The following PKNOX2 variants were observed in gnomAD, a reference collection of about 807,000 sequenced individuals.
PKNOX2 encodes the protein PBX/knotted 1 homeobox 2.
PKNOX2 carries 14 observed loss-of-function variants against 53.1 expected under a neutral mutation model. That is an observed-to-expected ratio of 0.26 (90% CI 0.17 to 0.41). The LOEUF is 0.41. PKNOX2 is among the 10% of genes least tolerant of loss of function. The pLI, the probability that PKNOX2 is intolerant of heterozygous loss-of-function variation, is 1.00. For synonymous variants in PKNOX2, 257 were observed against 242.8 expected (o/e 1.06, Z -0.54); for missense variants, 496 against 602.8 (o/e 0.82, Z 1.85).
At chr11:125,283,363 G>GCCCCTTCAGTGTGTT (rs1591511817) in intron 2 of PKNOX2, among the ~76,000 whole-genome samples, 1 of 152,170 alleles carries the variant, frequency 6.6e-6, no homozygotes, top group East Asian at 1.9e-4. Flanking sequence ...GCAGCCACCT[G>GCCCCTTCAGTGTGTT]CCCCTTCAGT....
At chr11:125,219,333 T>C (rs1335452192) in intron 1 of PKNOX2, among the ~76,000 whole-genome samples, 1 of 151,710 alleles carries the variant, frequency 6.6e-6, no homozygotes, top group Non-Finnish European at 1.5e-5. Flanking sequence ...AGCTACTTTG[T>C]AGGCTGAGGC....
rs905085966 is a variant in PKNOX2, at chr11:125,374,916, C to G, written c.227+6931C>G. 1.4e-4 allele frequency among the ~76,000 whole-genome samples: 19 copies of G among 140,090 alleles called. No homozygotes were observed. The Admixed American group carries it at 1.4e-3, about 10-fold the overall frequency. The allele number at this position is 140,090 out of a possible 152,430, so 91.9% of individuals were successfully genotyped here. Reference sequence around the variant, plus strand: ...AGGAAGACAACCAGCAATTGGGCCTCCTGCTAGTGCAAATGACATGGGGTG... The same window carrying G: ...AGGAAGACAACCAGCAATTGGGCCTGCTGCTAGTGCAAATGACATGGGGTG... On this transcript the variant is annotated intron_variant, in intron 5 of 12. Coordinates refer to ENST00000298282, the MANE Select transcript of PKNOX2 (RefSeq NM_001382323.2).
intron 10 of PKNOX2, among the ~76,000 whole-genome samples, chr11:125,417,092 G>C (rs1158489145): frequency 1.3e-5 from 2 of 152,032 alleles, no homozygotes; most frequent in Admixed American, 1.3e-4. Flanking sequence ...CCACACTCCT[G>C]CTGGAAGCAA....
chr11:125,165,514 G>A lies in PKNOX2; in HGVS notation c.-201+738G>A, dbSNP rs529544730. ...GGGAGCGGTCCCAGGCTGGGGCCAG[G>A]TGACCGGAGGAGTCGAGGAGCCGCG... On this transcript the variant is annotated intron_variant, in intron 1 of 12. Transcript: ENST00000298282. The surrounding 1 kb of genome is among the most constrained non-coding windows in gnomAD (Gnocchi z 4.5). Among the ~76,000 whole-genome samples, 1 of 152,280 alleles carries A rather than the reference G, an allele frequency of 6.6e-6. No individual in the cohort carries two copies. The highest frequency in any genetic ancestry group is 2.1e-4 in the South Asian group (1 of 4,830).
intron 1 of PKNOX2, among the ~76,000 whole-genome samples, chr11:125,209,666 T>C (rs574608656): frequency 6.6e-6 from 1 of 151,572 alleles, no homozygotes; most frequent in East Asian, 1.9e-4. Flanking sequence ...CAGTAATAGA[T>C]GGGGCAGGCT....
At chr11:125,300,405 C>T (rs1047498667) in intron 2 of PKNOX2, among the ~76,000 whole-genome samples, 4 of 152,220 alleles carry the variant, frequency 2.6e-5, no homozygotes, top group African/African-American at 4.8e-5. Flanking sequence ...CCCCATTTTA[C>T]AGATGAGGCC....
At chr11:125,343,544 G>A (rs1259722059) in intron 3 of PKNOX2, among the ~76,000 whole-genome samples, 1 of 152,190 alleles carries the variant, frequency 6.6e-6, no homozygotes, top group East Asian at 1.9e-4. Flanking sequence ...CTATTTATGG[G>A]ATTGATTCTC....
chr11:125,285,605 C>G (rs1204542136), intron 2 of PKNOX2, among the ~76,000 whole-genome samples: 1 of 152,206 alleles, frequency 6.6e-6, no homozygotes, highest in Non-Finnish European at 1.5e-5. Context: ...ATTCCTATTA[C>G]TGTGAGTAAA....
chr11:125,265,705 T>C (rs961039726), intron 2 of PKNOX2, among the ~76,000 whole-genome samples: 1 of 152,122 alleles, frequency 6.6e-6, no homozygotes, highest in South Asian at 2.1e-4. Context: ...CCCACCCCAA[T>C]GGTCCCCAGA....
intron 1 of PKNOX2, among the ~76,000 whole-genome samples, chr11:125,225,351 C>T (rs1941600275): frequency 6.6e-6 from 1 of 152,184 alleles, no homozygotes; most frequent in Non-Finnish European, 1.5e-5. Flanking sequence ...GGATCTGATG[C>T]TCAGAAAACA....
chr11:125,366,515 C>T (rs546833524), intron 4 of PKNOX2, among the ~76,000 whole-genome samples: 5 of 152,108 alleles, frequency 3.3e-5, no homozygotes, highest in South Asian at 4.1e-4. Context: ...CATGAGCTTA[C>T]GTTTTAGCTG....
At chr11:125,307,201 C>T (rs756518209) in intron 2 of PKNOX2, among the ~76,000 whole-genome samples, 3 of 152,100 alleles carry the variant, frequency 2.0e-5, no homozygotes, top group African/African-American at 7.2e-5. Flanking sequence ...GACAGATGGA[C>T]GGATGGACAG....
At chr11:125,256,350 A>G (rs1006017738) in intron 2 of PKNOX2, among the ~76,000 whole-genome samples, 4 of 152,126 alleles carry the variant, frequency 2.6e-5, no homozygotes, top group African/African-American at 7.2e-5. Context: ...GTGGGTGCCC[A>G]CTGAGTCTGT....
intron 2 of PKNOX2, among the ~76,000 whole-genome samples, chr11:125,322,628 A>G (rs7125097): frequency 0.03 from 4,582 of 152,110 alleles, 182 homozygotes; most frequent in East Asian, 0.18. Context: ...GGATGATGAC[A>G]CCCTCACTGC....
Position 125,429,009 on chromosome 11 carries a change from C to T in PKNOX2, c.937-3C>T, listed in dbSNP as rs758785892. 1.9e-6 allele frequency: 3 copies of T among 1,612,762 alleles called. No individual in the cohort carries two copies. The South Asian group carries it at 3.3e-5, about 18-fold the overall frequency. On this transcript the variant is annotated splice_region_variant and splice_polypyrimidine_tract_variant and intron_variant, in intron 10 of 12. Transcript: ENST00000298282. ...CCTCACTAGTCTCCACCTCTCGTTT[C>T]AGCACCCCTACCCCACGGAGGATGA...
chr11:125,416,194 T>G (rs980234344), intron 10 of PKNOX2, among the ~76,000 whole-genome samples: 27 of 149,682 alleles, frequency 1.8e-4, no homozygotes, highest in African/African-American at 6.4e-4. Context: ...TCCCAGCTAC[T>G]TGGGAGGCTG....
intron 10 of PKNOX2, among the ~76,000 whole-genome samples, chr11:125,428,564 G>A (rs909591408): frequency 3.3e-5 from 5 of 152,166 alleles, no homozygotes; most frequent in Non-Finnish European, 7.3e-5. Context: ...GCACATAGTA[G>A]ATATTCAGTA....
At chr11:125,379,051 T>G (rs1953042661) in intron 5 of PKNOX2, among the ~76,000 whole-genome samples, 1 of 128,720 alleles carries the variant, frequency 7.8e-6, no homozygotes, top group Non-Finnish European at 1.5e-5. Flanking sequence ...TTTTTTTTCT[T>G]TCTCTTTTTT....
At chr11:125,261,746 G>A (rs922362844) in intron 2 of PKNOX2, among the ~76,000 whole-genome samples, 4 of 152,198 alleles carry the variant, frequency 2.6e-5, no homozygotes, top group African/African-American at 9.7e-5. Context: ...GCCAGAGGGA[G>A]CAGAGCATCA....
Sources: gnomAD v4.1 joint callset for allele counts (sites outside exome capture counted in the v4.1 genomes callset) on GRCh38, gnomAD v4.1.1 for gene constraint, Gnocchi (gnomAD v3.1) non-coding constraint, MANE v1.5 for transcripts, NCBI Gene and HGNC (gene_info 2026-07-23, HGNC 2026-07-21) for gene names.